The following FLT1 variants were observed in gnomAD, a reference collection of about 807,000 sequenced individuals.
The protein encoded by FLT1 is fms related receptor tyrosine kinase 1, also known as vascular endothelial growth factor receptor 1.
A neutral mutation model predicts 156.3 loss-of-function variants in FLT1; 49 were observed. That is an observed-to-expected ratio of 0.31 (90% CI 0.25 to 0.40). The LOEUF is 0.40. FLT1 is among the 10% of genes least tolerant of loss of function. FLT1 has a pLI of 1.00. For missense variants in FLT1, 1,322 were observed against 1,637.2 expected (o/e 0.81, Z 3.32); for synonymous variants, 594 against 583.8 (o/e 1.02, Z -0.25).
intron 14 of FLT1, among the ~76,000 whole-genome samples, chr13:28,379,799 C>T (rs1873998149): frequency 6.6e-6 from 1 of 152,160 alleles, no homozygotes; most frequent in Non-Finnish European, 1.5e-5. Context: ...AACTGCCTTT[C>T]TTCTGGTGAA....
chr13:28,455,101 C>A (rs571797767), intron 3 of FLT1, among the ~76,000 whole-genome samples: 8 of 152,252 alleles, frequency 5.3e-5, no homozygotes, highest in African/African-American at 1.9e-4. Flanking sequence ...AGATTCAATG[C>A]AATCCCAATC....
intron 16 of FLT1, among the ~76,000 whole-genome samples, 153 bp from the exon 17 acceptor site, chr13:28,339,453 T>A (rs181146541): frequency 2.0e-5 from 3 of 152,328 alleles, no homozygotes; most frequent in Admixed American, 6.5e-5. Flanking sequence ...CATACACTCA[T>A]CACACTTAGG....
At position 28,428,056 on chromosome 13, in the gene FLT1, G is replaced by A. The variant is rs1392643389; in HGVS notation, c.1107-135C>T. The A allele has an allele frequency of 3.5e-5, 26 of 738,326 alleles. No individual in the cohort carries two copies. In the Admixed American group the frequency reaches 5.5e-4, roughly 16 times the overall value. The allele number at this position is 738,326 out of a possible 1,614,324, so 45.7% of individuals were successfully genotyped here. On this transcript the variant is annotated intron_variant, in intron 8 of 29. Coordinates refer to ENST00000282397, the MANE Select transcript of FLT1 (RefSeq NM_002019.4). ...GATCATCAGTGTTGATTTTTAAAAT[G>A]TAGGCATTAACTTTTGAGTAAAGGC...
At chr13:28,364,470 A>G (rs1873216665) in intron 14 of FLT1, among the ~76,000 whole-genome samples, 1 of 152,190 alleles carries the variant, frequency 6.6e-6, no homozygotes, top group African/African-American at 2.4e-5. Flanking sequence ...GTTATTTAAG[A>G]ACTCTTTTCC....
intron 14 of FLT1, among the ~76,000 whole-genome samples, chr13:28,381,372 C>A (rs144889546): frequency 0.011 from 1,682 of 152,164 alleles, 21 homozygotes; most frequent in Non-Finnish European, 0.017. Context: ...GCTTGGCCAA[C>A]ATGGTGAAAC....
chr13:28,309,410 A>G (rs947558121), intron 27 of FLT1, among the ~76,000 whole-genome samples: 1 of 152,118 alleles, frequency 6.6e-6, no homozygotes, highest in Non-Finnish European at 1.5e-5. Flanking sequence ...GTGATTACAG[A>G]TTGGGAGAAT....
chr13:28,311,940 GC>G (rs1871024308), intron 26 of FLT1, 52 bp downstream of exon 26: 3 of 1,244,076 alleles, frequency 2.4e-6, no homozygotes, highest in Admixed American at 1.8e-5. Context: ...CAAATAAAAT[GC>G]CCCCCTGACG....
chr13:28,469,872 G>A (rs973309918), intron 1 of FLT1, among the ~76,000 whole-genome samples: 15 of 152,002 alleles, frequency 9.9e-5, no homozygotes, highest in African/African-American at 3.6e-4. Context: ...TCGTGCCTCA[G>A]CCTCCTGAGT....
At chr13:28,412,376 CTTT>C (rs1876317376) in intron 10 of FLT1, among the ~76,000 whole-genome samples, 1 of 108,242 alleles carries the variant, frequency 9.2e-6, no homozygotes, top group Non-Finnish European at 2.0e-5. Flanking sequence ...TTCTTTCTTT[CTTT>C]CTTTCTTTCT....
Position 28,331,158 on chromosome 13 carries a change from T to A in FLT1, c.2594-1430A>T, listed in dbSNP as rs187742424. Among the ~76,000 whole-genome samples, 545 of 152,368 alleles carry A rather than the reference T, an allele frequency of 3.6e-3. 3 individuals are homozygous for A. The highest frequency in any genetic ancestry group is 0.012 in the African/African-American group (502 of 41,578). ...ATGCAAGTGTTTCTGTAGGACAGTG[T>A]CCTGGAAGTGGGTTAGAGGTATGTG... On this transcript the variant is annotated intron_variant, in intron 18 of 29. Transcript: ENST00000282397.
rs137890051 is a variant in FLT1, at chr13:28,440,595, C to T, written c.389-2250G>A. Among the ~76,000 whole-genome samples the T allele has an allele frequency of 3.5e-3, 534 of 152,216 alleles. 5 individuals carry two copies. Among genetic ancestry groups the T allele is most frequent in the African/African-American group, 0.012 (505 of 41,530 alleles). On this transcript the variant is annotated intron_variant, in intron 3 of 29. Transcript: ENST00000282397. The stretch of plus-strand genomic sequence containing the variant: ...TCTGAAAAAGGGCTGAACACCAAGG[C>T]ATGGTGTGTGAGAGCAGGCTTTGGG...
In FLT1 at chr13:28,427,670, G is replaced by A. The variant is rs1242903445; in HGVS notation, c.1276+82C>T. 2.4e-6 allele frequency: 3 copies of A among 1,237,830 alleles called. No homozygotes were observed. The East Asian group carries it at 6.9e-5, about 29-fold the overall frequency. The allele number at this position is 1,237,830 out of a possible 1,614,324, so 76.7% of individuals were successfully genotyped here. ...TTGAAATTTTGCTATCTTTGATGTT[G>A]TTACGCTGATTTTTGAATTCATAAA... On this transcript the variant is annotated intron_variant, in intron 9 of 29. Transcript: ENST00000282397.
intron 1 of FLT1, among the ~76,000 whole-genome samples, chr13:28,477,866 A>G (rs191675918): frequency 1.3e-5 from 2 of 152,332 alleles, no homozygotes; most frequent in South Asian, 2.1e-4. Context: ...GCTGAAATAT[A>G]CACATTTTCA....
chr13:28,303,169 A>T lies in FLT1; in HGVS notation c.4015T>A (p.Ter1339LysextTer20). 1.2e-6 allele frequency: 2 copies of T among 1,609,476 alleles called. No individual in the cohort carries two copies. Among genetic ancestry groups the T allele is most frequent in the Non-Finnish European group, 1.7e-6 (2 of 1,179,782 alleles). ...GAAATAAGGCTTCGTGTCAAACTCT[A>T]GATGGGTGGGGTGGAGTACAGGACC... is the stretch of plus-strand genomic sequence containing the variant. The part of the protein sequence containing the change: ...SVVLYSTPPI[*>K] Residue 1339 changes from the stop codon to lysine, a stop_lost, in exon 30 of 30, where the codon TAG becomes AAG. Coordinates refer to ENST00000282397, the MANE Select transcript of FLT1 (RefSeq NM_002019.4).
chr13:28,392,859 A>C (rs1874821301), intron 12 of FLT1, among the ~76,000 whole-genome samples: 1 of 152,240 alleles, frequency 6.6e-6, no homozygotes, highest in Non-Finnish European at 1.5e-5. Flanking sequence ...GGACATGGTC[A>C]CTGAAGCTAA....
chr13:28,358,308 C>T (rs944889256), intron 14 of FLT1, among the ~76,000 whole-genome samples: 15 of 152,166 alleles, frequency 9.9e-5, no homozygotes, highest in Non-Finnish European at 2.2e-4. Flanking sequence ...AAGAGTTTGC[C>T]TGGGCTGTGT....
At chr13:28,374,187 T>A (rs1488248094) in intron 14 of FLT1, among the ~76,000 whole-genome samples, 2 of 152,110 alleles carry the variant, frequency 1.3e-5, no homozygotes, top group African/African-American at 4.8e-5. Flanking sequence ...AAATTTATGT[T>A]ATGTGCATTT....
intron 15 of FLT1, among the ~76,000 whole-genome samples, chr13:28,355,638 A>G (rs558503045): frequency 1.6e-4 from 24 of 152,322 alleles, no homozygotes; most frequent in African/African-American, 5.8e-4. Context: ...TGGCTGGAAT[A>G]GGGAATGGAG....
chr13:28,379,800 T>C (rs1301587156), intron 14 of FLT1, among the ~76,000 whole-genome samples: 1 of 152,192 alleles, frequency 6.6e-6, no homozygotes, highest in Non-Finnish European at 1.5e-5. Context: ...ACTGCCTTTC[T>C]TCTGGTGAAT....
Sources: allele counts gnomAD v4.1 joint callset (sites outside exome capture counted in the v4.1 genomes callset), GRCh38; gene constraint gnomAD v4.1.1; transcripts MANE v1.5; gene names NCBI Gene and HGNC (gene_info 2026-07-23, HGNC 2026-07-21).